The following SND1 variants were observed in gnomAD, a reference collection of about 807,000 sequenced individuals.
SND1 encodes staphylococcal nuclease and tudor domain containing 1.
SND1 carries 38 observed loss-of-function variants against 121.7 expected under a neutral mutation model. That is an observed-to-expected ratio of 0.31 (90% CI 0.24 to 0.41). The LOEUF is 0.41. Among genes scored for constraint, SND1 ranks in the 10% least tolerant of loss-of-function variants. The pLI is 1.00. For synonymous variants in SND1, 401 were observed against 447.4 expected (o/e 0.90, Z 1.31); for missense variants, 868 against 1,184.6 (o/e 0.73, Z 3.92).
At chr7:127,789,644 G>T (rs1797874992) in intron 10 of SND1, among the ~76,000 whole-genome samples, 2 of 152,204 alleles carry the variant, frequency 1.3e-5, no homozygotes, top group South Asian at 2.1e-4. Context: ...AAAAAGGCAT[G>T]CAGGTTGGTT....
intron 2 of SND1, 170 bp from the exon 3 acceptor site, chr7:127,694,658 A>C: frequency 1.4e-6 from 1 of 708,460 alleles, no homozygotes; most frequent in Non-Finnish European, 2.3e-6. Context: ...GAGCCCCCTA[A>C]GTGTGCGATC....
At chr7:127,725,280 T>C (rs559697967) in intron 10 of SND1, among the ~76,000 whole-genome samples, 1 of 152,308 alleles carries the variant, frequency 6.6e-6, no homozygotes, top group African/African-American at 2.4e-5. Context: ...GGCATAGATG[T>C]TGGGGCCAGG....
intron 18 of SND1, among the ~76,000 whole-genome samples, chr7:128,082,430 C>G (rs1007809947): frequency 6.6e-6 from 1 of 152,244 alleles, no homozygotes; most frequent in African/African-American, 2.4e-5. Flanking sequence ...CCGTCTCAGC[C>G]ACTTCCCTCT....
intron 15 of SND1, among the ~76,000 whole-genome samples, chr7:127,950,415 C>T (rs1226538658): frequency 6.6e-6 from 1 of 152,170 alleles, no homozygotes; most frequent in Non-Finnish European, 1.5e-5. Context: ...GCAGATCATC[C>T]TTGTGATGTG....
chr7:127,972,108 C>A (rs1239755645), intron 15 of SND1, among the ~76,000 whole-genome samples: 2 of 152,168 alleles, frequency 1.3e-5, no homozygotes, highest in African/African-American at 4.8e-5. Context: ...AATGTAATTT[C>A]AAGTAAACAC....
chr7:128,040,502 A>G (rs968544114), intron 16 of SND1, among the ~76,000 whole-genome samples: 2 of 150,494 alleles, frequency 1.3e-5, no homozygotes, highest in African/African-American at 4.9e-5. Flanking sequence ...AAAAAGTGAC[A>G]TGGTAAGACC....
At chr7:127,789,130 A>C (rs1797865307) in intron 10 of SND1, among the ~76,000 whole-genome samples, 1 of 152,202 alleles carries the variant, frequency 6.6e-6, no homozygotes, top group Admixed American at 6.5e-5. Flanking sequence ...CTCTCTGCCT[A>C]CTATCTACCC....
chr7:127,813,304 T>G (rs1798366359), intron 11 of SND1, among the ~76,000 whole-genome samples: 1 of 152,188 alleles, frequency 6.6e-6, no homozygotes, highest in Non-Finnish European at 1.5e-5. Flanking sequence ...CTTTTACCCC[T>G]TGATTCTTGA....
intron 12 of SND1, among the ~76,000 whole-genome samples, chr7:127,855,834 T>C (rs2116671076): frequency 6.6e-6 from 1 of 152,354 alleles, no homozygotes; most frequent in East Asian, 1.9e-4. Context: ...TGTGGCCAAC[T>C]CATCCACTAA....
chr7:127,998,104 A>G (rs1278838096), intron 16 of SND1: 6 of 411,524 alleles, frequency 1.5e-5, no homozygotes, highest in Non-Finnish European at 3.0e-5. Context: ...TACTCAATAA[A>G]TAAATATTTG....
chr7:127,827,833 G>A (rs913761498), intron 11 of SND1, among the ~76,000 whole-genome samples: 9 of 151,740 alleles, frequency 5.9e-5, no homozygotes, highest in Non-Finnish European at 1.2e-4. Flanking sequence ...AAAAATAAAG[G>A]AATAGTATAT....
chr7:127,954,410 G>C (rs557028533), intron 15 of SND1, among the ~76,000 whole-genome samples: 1 of 152,052 alleles, frequency 6.6e-6, no homozygotes, highest in Non-Finnish European at 1.5e-5. Flanking sequence ...TTTTGCTTGA[G>C]TTGTGCTTCT....
At chr7:127,994,107 T>A (rs117196776) in intron 16 of SND1, among the ~76,000 whole-genome samples, 255 of 152,330 alleles carry the variant, frequency 1.7e-3, no homozygotes, top group Non-Finnish European at 2.7e-3. Flanking sequence ...CCATCTCATA[T>A]CTTCATGTGG....
intron 16 of SND1, among the ~76,000 whole-genome samples, chr7:128,020,473 G>A (rs1308679857): frequency 6.6e-6 from 1 of 152,154 alleles, no homozygotes; most frequent in Non-Finnish European, 1.5e-5. Flanking sequence ...TGTGACACCT[G>A]GGCAAGGCAC....
intron 2 of SND1, chr7:127,692,475 T>C (rs949075956): frequency 3.3e-5 from 5 of 152,284 alleles, no homozygotes; most frequent in African/African-American, 1.2e-4. Context: ...TTGAGCAAGC[T>C]TCTGTTAGGA....
chr7:127,886,964 T>G (rs1799921115), intron 12 of SND1, among the ~76,000 whole-genome samples: 1 of 151,888 alleles, frequency 6.6e-6, no homozygotes, highest in Non-Finnish European at 1.5e-5. Flanking sequence ...TCATCTCAGA[T>G]TTTATATTGT....
At chr7:128,001,937 C>T (rs976759109) in intron 16 of SND1, among the ~76,000 whole-genome samples, 1 of 150,130 alleles carries the variant, frequency 6.7e-6, no homozygotes, top group Non-Finnish European at 1.5e-5. Flanking sequence ...ATCTCAAAAA[C>T]AAAAAAAAAT....
chr7:127,938,745 G>A (rs118018178), intron 15 of SND1, among the ~76,000 whole-genome samples: 5 of 152,272 alleles, frequency 3.3e-5, no homozygotes, highest in East Asian at 3.9e-4. Flanking sequence ...TCAGCTCTCC[G>A]TCTATGCAGG....
At chr7:127,821,717 TAAAA>T (rs11297859) in intron 11 of SND1, among the ~76,000 whole-genome samples, 1 of 151,394 alleles carries the variant, frequency 6.6e-6, no homozygotes. Flanking sequence ...AAGGATGTGT[TAAAA>T]AAAAAATAGC....
Sources: allele counts gnomAD v4.1 joint callset (sites outside exome capture counted in the v4.1 genomes callset), GRCh38; gene constraint gnomAD v4.1.1; transcripts MANE v1.5; gene names NCBI Gene and HGNC (gene_info 2026-07-23, HGNC 2026-07-21).